FAT3: variants seen among roughly 807,000 people sequenced by gnomAD.
The protein encoded by FAT3 is protocadherin Fat 3.
In FAT3, 95 loss-of-function variants were observed where a neutral mutation model predicts 310.2. The observed-to-expected ratio is 0.31, with a 90% CI of 0.26 to 0.36. FAT3 has a LOEUF of 0.36. Among genes scored for constraint, FAT3 ranks in the 10% least tolerant of loss-of-function variants. The pLI, the probability that FAT3 is intolerant of heterozygous loss-of-function variation, is 1.00. For synonymous variants in FAT3, 2,314 were observed against 2,192.9 expected (o/e 1.06, Z -1.54); for missense variants, 5,408 against 5,715.6 (o/e 0.95, Z 1.74).
chr11:92,438,231 T>C (rs1950989308), intron 2 of FAT3, among the ~76,000 whole-genome samples: 1 of 152,236 alleles, frequency 6.6e-6, no homozygotes, highest in Non-Finnish European at 1.5e-5. Flanking sequence ...CTAGCCATTA[T>C]GGATGATGTT....
At chr11:92,447,222 C>CAT (rs1234683270) in intron 2 of FAT3, among the ~76,000 whole-genome samples, 1 of 146,298 alleles carries the variant, frequency 6.8e-6, no homozygotes, top group Non-Finnish European at 1.5e-5. Flanking sequence ...TATATGTGTG[C>CAT]GTGTGTGTGT....
At chr11:92,306,741 A>T (rs1947146199) in intron 1 of FAT3, among the ~76,000 whole-genome samples, 1 of 125,382 alleles carries the variant, frequency 8.0e-6, no homozygotes, top group African/African-American at 3.1e-5. Context: ...ATATTTATAT[A>T]TAAATATATA....
intron 3 of FAT3, among the ~76,000 whole-genome samples, chr11:92,580,338 A>G (rs1234167467): frequency 6.6e-6 from 1 of 151,978 alleles, no homozygotes; most frequent in Non-Finnish European, 1.5e-5. Flanking sequence ...ATTTTTTGAC[A>G]TTATGTATGT....
At chr11:92,372,064 A>T (rs1289560952) in intron 2 of FAT3, among the ~76,000 whole-genome samples, 1 of 152,052 alleles carries the variant, frequency 6.6e-6, no homozygotes, top group East Asian at 1.9e-4. Flanking sequence ...TCTATTTTGG[A>T]CCATTTACCT....
chr11:92,236,370 A>T (rs191371863), intron 1 of FAT3, among the ~76,000 whole-genome samples: 21 of 152,310 alleles, frequency 1.4e-4, no homozygotes, highest in African/African-American at 4.8e-4. Flanking sequence ...AGTCTTGTAA[A>T]ATTTAAATCC....
At position 92,859,091 on chromosome 11, in the gene FAT3, TG is replaced by T; in HGVS notation, c.11501-71del. 10 of 1,427,066 alleles carry T rather than the reference TG, an allele frequency of 7.0e-6. No homozygotes were observed. In the South Asian group the frequency reaches 1.5e-4, roughly 21 times the overall value. 88.4% of individuals were successfully genotyped at this position (1,427,066 alleles called of 1,614,324 possible). A position where few individuals can be genotyped will look rare whatever the true frequency, so the allele number is the denominator to read the frequency against. On this transcript the variant is annotated intron_variant, in intron 20 of 27. Coordinates refer to ENST00000525166, the MANE Select transcript of FAT3 (RefSeq NM_001367949.2). The stretch of plus-strand genomic sequence containing the variant: ...TTTAATCAACTTGGTTGGTGGTTGT[TG>T]GGTGATTTCATGTGTCTCTGTTCCT...
rs1674087 is a variant in FAT3 at position 92,693,483 on chromosome 11, T to A, written c.3608-3901T>A. 2.6e-5 allele frequency among the ~76,000 whole-genome samples: 4 copies of A among 151,916 alleles called. No homozygotes were observed. In the South Asian group the frequency reaches 8.3e-4, roughly 32 times the overall value. ...TCTTGTTCTCTATTCTCTGTATTTT[T>A]TCTTGTTCTCTATTGTCTTGTTGTC... On this transcript the variant is annotated intron_variant, in intron 3 of 27. Coordinates refer to ENST00000525166, the MANE Select transcript of FAT3 (RefSeq NM_001367949.2).
intron 2 of FAT3, among the ~76,000 whole-genome samples, chr11:92,404,827 G>A (rs990668754): frequency 6.6e-6 from 1 of 151,984 alleles, no homozygotes; most frequent in Non-Finnish European, 1.5e-5. Flanking sequence ...AAAGGCAGAA[G>A]AAGGGCCATT....
At chr11:92,828,843 C>T (rs1021860055) in intron 13 of FAT3, among the ~76,000 whole-genome samples, 11 of 152,140 alleles carry the variant, frequency 7.2e-5, no homozygotes, top group African/African-American at 2.7e-4. Context: ...AGATGAGTGC[C>T]TCTAAACAGG....
At chr11:92,835,112 T>C (rs1346901560) in intron 15 of FAT3, 28 bp downstream of exon 15, 3 of 1,584,680 alleles carry the variant, frequency 1.9e-6, no homozygotes, top group Middle Eastern at 2.2e-4. Context: ...GGGATGGTTC[T>C]AGATGTTTGG....
chr11:92,844,052 A>G lies in FAT3; in HGVS notation c.10685A>G (p.Glu3562Gly), dbSNP rs1948617059. The part of the protein sequence containing the change: ...IPLEIFIVTM[E>G]DDFPGGVIGK... ...CTGGAAATTTTCATTGTCACCATGG[A>G]GGATGACTTTCCTGGTGGGGTCATT... Residue 3562 changes from glutamate (E) to glycine (G), a missense_variant, in exon 19 of 28, where the codon GAG becomes GGG. Physicochemically the swap from Glu to Gly is moderately conservative, Grantham distance 98. Around this residue, in one of 5 missense-constraint regions of FAT3, gnomAD observed 4,588 missense variants for 4,809.8 expected, o/e 0.95. Coordinates refer to ENST00000525166, the MANE Select transcript of FAT3 (RefSeq NM_001367949.2). 34 of 1,613,996 alleles carry G rather than the reference A, an allele frequency of 2.1e-5. No individual in the cohort carries two copies. The highest frequency in any genetic ancestry group is 2.8e-5 in the Non-Finnish European group (33 of 1,179,884).
chr11:92,472,369 A>G (rs1430601130), intron 2 of FAT3, among the ~76,000 whole-genome samples: 3 of 151,844 alleles, frequency 2.0e-5, no homozygotes, highest in African/African-American at 4.8e-5. Context: ...TATTTTGAAT[A>G]TTTTTTTCTA....
At chr11:92,810,195 T>C (rs985551873) in intron 13 of FAT3, 119 bp downstream of exon 13, 21 of 864,770 alleles carry the variant, frequency 2.4e-5, no homozygotes, top group African/African-American at 3.4e-5. Context: ...CACGAGAACA[T>C]GTACATTAAA....
rs962071207 is a variant in FAT3 at position 92,363,129 on chromosome 11, G to C, written c.3292+7725G>C. Among the ~76,000 whole-genome samples, 4 of 152,314 alleles carry C rather than the reference G, an allele frequency of 2.6e-5. No homozygotes were observed. In the South Asian group the frequency reaches 8.3e-4, roughly 32 times the overall value. ...TACTTTGATCTTCTAGAGGGAGAAG[G>C]ATTTATTTCAGCTGGTGGCCAAGGA... On this transcript the variant is annotated intron_variant, in intron 2 of 27. Transcript: ENST00000525166.
intron 4 of FAT3, among the ~76,000 whole-genome samples, chr11:92,726,487 T>G (rs889903632): frequency 6.6e-6 from 1 of 152,156 alleles, no homozygotes; most frequent in Non-Finnish European, 1.5e-5. Context: ...TAAGCTGATA[T>G]ACTCTTTGAA....
At chr11:92,461,066 A>G (rs904820398) in intron 2 of FAT3, among the ~76,000 whole-genome samples, 12 of 152,216 alleles carry the variant, frequency 7.9e-5, no homozygotes, top group Non-Finnish European at 5.9e-5. Flanking sequence ...TTGTCTTTAT[A>G]CAAAATTTTG....
chr11:92,700,030 G>A (rs542527783), intron 4 of FAT3, among the ~76,000 whole-genome samples: 14 of 152,248 alleles, frequency 9.2e-5, no homozygotes, highest in African/African-American at 3.1e-4. Context: ...TAAGTCCTGG[G>A]GACACAAAGT....
chr11:92,330,362 G>A (rs913183109), intron 1 of FAT3, among the ~76,000 whole-genome samples: 1 of 152,246 alleles, frequency 6.6e-6, no homozygotes, highest in African/African-American at 2.4e-5. Context: ...GCCTGTTGGA[G>A]AATCTAGCAG....
At chr11:92,469,605 C>T (rs1486784195) in intron 2 of FAT3, among the ~76,000 whole-genome samples, 1 of 151,906 alleles carries the variant, frequency 6.6e-6, no homozygotes, top group Admixed American at 6.6e-5. Context: ...ACCTCAGTCT[C>T]CTGGGTTCAA....
Sources: allele counts gnomAD v4.1 joint callset (sites outside exome capture counted in the v4.1 genomes callset), GRCh38; gene constraint gnomAD v4.1.1; regional missense constraint gnomAD v4.1.1; transcripts MANE v1.5; gene names NCBI Gene and HGNC (gene_info 2026-07-23, HGNC 2026-07-21).